Variants in FGF10 observed in about 807,000 individuals in gnomAD.
FGF10 encodes the protein fibroblast growth factor 10.
Under a neutral mutation model 19.8 loss-of-function variants are expected in FGF10, and 2 were observed. That is an observed-to-expected ratio of 0.10 (90% CI 0.04 to 0.32). The LOEUF is 0.32. Among genes scored for constraint, FGF10 ranks in the 10% least tolerant of loss-of-function variants. The pLI is 1.00. For synonymous variants in FGF10, 112 were observed against 94.0 expected, an observed-to-expected ratio of 1.19 and a Z score of -1.10; for missense variants, 191 against 246.3, an observed-to-expected ratio of 0.78 and a Z score of 1.50.
intron 1 of FGF10, among the ~76,000 whole-genome samples, chr5:44,323,862 A>G (rs1227293202): frequency 1.3e-5 from 2 of 152,174 alleles, no homozygotes; most frequent in Non-Finnish European, 2.9e-5. Context: ...GATCTATCTG[A>G]TCCAATTTGA....
At chr5:44,360,275 A>G (rs1741450171) in intron 1 of FGF10, among the ~76,000 whole-genome samples, 1 of 151,612 alleles carries the variant, frequency 6.6e-6, no homozygotes, top group Admixed American at 6.6e-5. Flanking sequence ...AATATACTCC[A>G]TCAAGAAAAG....
chr5:44,310,483 C>A lies in FGF10; in HGVS notation c.373G>T (p.Ala125Ser). ...SVEIGVVAVK[A>S]INSNYYLAMN... ...GCTAAGTAATAGTTGCTGTTAATGG[C>A]TTTGACGGCAACAACTCCGATTTCT... The change falls in exon 2 of 3, where the codon GCC becomes TCC. Residue 125 changes from alanine (A) to serine (S), a missense_variant. Coordinates refer to ENST00000264664, the MANE Select transcript of FGF10 (RefSeq NM_004465.2). 6.2e-7 allele frequency: 1 copy of A among 1,612,716 alleles called. No homozygotes were observed. Among genetic ancestry groups the A allele is most frequent in the East Asian group, 2.2e-5 (1 of 44,780 alleles).
chr5:44,382,693 A>G (rs1742009919), intron 1 of FGF10, among the ~76,000 whole-genome samples: 1 of 152,144 alleles, frequency 6.6e-6, no homozygotes, highest in South Asian at 2.1e-4. Context: ...AAAGATTTAA[A>G]TCCTTCTGCA....
chr5:44,388,202 T>C (rs1163373834), intron 1 of FGF10, among the ~76,000 whole-genome samples, 156 bp downstream of exon 1: 1 of 149,262 alleles, frequency 6.7e-6, no homozygotes, highest in Non-Finnish European at 1.5e-5. Context: ...TACACGGGGG[T>C]TGGGGGGTGA....
intron 1 of FGF10, among the ~76,000 whole-genome samples, chr5:44,343,079 C>T (rs1378604391): frequency 6.6e-6 from 1 of 151,802 alleles, no homozygotes; most frequent in African/African-American, 2.4e-5. Flanking sequence ...AAAAATAACT[C>T]GTCTAGAGTT....
chr5:44,335,262 GAGAAGA>G (rs1740821013), intron 1 of FGF10, among the ~76,000 whole-genome samples: 1 of 152,014 alleles, frequency 6.6e-6, no homozygotes, highest in Non-Finnish European at 1.5e-5. Context: ...TCTTAATGGT[GAGAAGA>G]AATGACCTAC....
intron 1 of FGF10, among the ~76,000 whole-genome samples, chr5:44,348,234 G>A (rs1020846339): frequency 1.3e-5 from 2 of 151,650 alleles, no homozygotes; most frequent in African/African-American, 4.8e-5. Flanking sequence ...TTAACAGTGA[G>A]TTATTAAAAA....
At chr5:44,342,690 TA>T (rs935055219) in intron 1 of FGF10, among the ~76,000 whole-genome samples, 10 of 151,594 alleles carry the variant, frequency 6.6e-5, no homozygotes, top group Non-Finnish European at 1.3e-4. Flanking sequence ...TCATCTACAT[TA>T]AAAAAAATAA....
chr5:44,348,431 G>A (rs1741135127), intron 1 of FGF10, among the ~76,000 whole-genome samples: 1 of 151,322 alleles, frequency 6.6e-6, no homozygotes, highest in African/African-American at 2.4e-5. Flanking sequence ...CAGAAGAAAG[G>A]GCACTTAACA....
At chr5:44,380,800 G>A (rs995466297) in intron 1 of FGF10, among the ~76,000 whole-genome samples, 2 of 152,204 alleles carry the variant, frequency 1.3e-5, no homozygotes, top group African/African-American at 4.8e-5. Flanking sequence ...GGGCAACATA[G>A]TGAGACCCTG....
chr5:44,387,683 G>T (rs959964118), intron 1 of FGF10, among the ~76,000 whole-genome samples: 8 of 152,058 alleles, frequency 5.3e-5, no homozygotes, highest in Non-Finnish European at 1.2e-4. Context: ...AAATAGCAGC[G>T]GTGGTGCCTG....
At chr5:44,331,930 C>T (rs1319484799) in intron 1 of FGF10, among the ~76,000 whole-genome samples, 1 of 151,760 alleles carries the variant, frequency 6.6e-6, no homozygotes, top group Non-Finnish European at 1.5e-5. Flanking sequence ...GAGATGGAGA[C>T]ATGCAAGCTG....
intron 1 of FGF10, among the ~76,000 whole-genome samples, chr5:44,352,678 C>T (rs1037485761): frequency 6.6e-6 from 1 of 151,538 alleles, no homozygotes. Flanking sequence ...AAACATTTTC[C>T]AGGTACATTT....
At chr5:44,364,384 T>C (rs976821479) in intron 1 of FGF10, among the ~76,000 whole-genome samples, 2 of 151,816 alleles carry the variant, frequency 1.3e-5, no homozygotes, top group Admixed American at 6.6e-5. Flanking sequence ...TTGAATGCAA[T>C]TATTCTCCAA....
chr5:44,307,312 G>A (rs998785367), intron 2 of FGF10, among the ~76,000 whole-genome samples: 1 of 152,048 alleles, frequency 6.6e-6, no homozygotes, highest in Non-Finnish European at 1.5e-5. Context: ...GAAAATTCAG[G>A]CTACAGCAAG....
At chr5:44,376,511 A>AAAAC (rs1579943308) in intron 1 of FGF10, among the ~76,000 whole-genome samples, 4 of 140,478 alleles carry the variant, frequency 2.8e-5, no homozygotes, top group East Asian at 2.0e-4. Flanking sequence ...AAAAAAAAAA[A>AAAAC]AAAAAACAAA....
At chr5:44,388,146 T>A (rs894763751) in intron 1 of FGF10, among the ~76,000 whole-genome samples, 1 of 130,766 alleles carries the variant, frequency 7.6e-6, no homozygotes, top group Non-Finnish European at 1.6e-5. Flanking sequence ...GGGTGGGGGA[T>A]GTGAAGGGAG....
At chr5:44,335,515 T>C (rs1007750729) in intron 1 of FGF10, among the ~76,000 whole-genome samples, 9 of 152,182 alleles carry the variant, frequency 5.9e-5, no homozygotes, top group Non-Finnish European at 1.2e-4. Flanking sequence ...CCCAATTCTA[T>C]GTGACAAATA....
intron 2 of FGF10, among the ~76,000 whole-genome samples, chr5:44,308,631 G>C (rs1030567475): frequency 1.2e-4 from 18 of 152,050 alleles, no homozygotes; most frequent in African/African-American, 4.3e-4. Context: ...TTATTCCTCT[G>C]GGTTCATTAG....
Sources: gnomAD v4.1 joint callset for allele counts (sites outside exome capture counted in the v4.1 genomes callset) on GRCh38, gnomAD v4.1.1 for gene constraint, MANE v1.5 for transcripts, NCBI Gene and HGNC (gene_info 2026-07-23, HGNC 2026-07-21) for gene names.